Variants in HDX observed in about 807,000 individuals in gnomAD.
The protein encoded by HDX is chromosome X open reading frame 43.
In HDX, 19 loss-of-function variants were observed where a neutral mutation model predicts 45.2. That is an observed-to-expected ratio of 0.42 (90% confidence interval 0.29 to 0.62). HDX has a LOEUF of 0.62. Ranked by LOEUF, HDX falls within the 20% of genes least tolerant of loss-of-function variation. HDX has a pLI of 0.20. For missense variants in HDX, 532 were observed against 493.9 expected (o/e 1.08, Z -0.73); for synonymous variants, 188 against 172.8 (o/e 1.09, Z -0.69).
intron 8 of HDX, among the ~76,000 whole-genome samples, chrX:84,335,764 T>G (rs2036946179): frequency 9.0e-6 from 1 of 111,117 alleles, no homozygotes; most frequent in Admixed American, 9.6e-5. Flanking sequence ...TTAAACTTAG[T>G]GTTAGAAGGG....
intron 1 of HDX, among the ~76,000 whole-genome samples, chrX:84,499,233 G>C (rs2041069971): frequency 9.0e-6 from 1 of 111,310 alleles, no homozygotes; most frequent in African/African-American, 3.3e-5. Context: ...AAGGGGATTG[G>C]CTTATCACTA....
chrX:84,445,746 T>C (rs763508914), intron 4 of HDX, among the ~76,000 whole-genome samples: 201 of 111,659 alleles, frequency 1.8e-3, no homozygotes, highest in Non-Finnish European at 2.8e-3. Context: ...TTTCAGAAAT[T>C]AGAATGCCTT....
rs377753577 is a variant in HDX, at chrX:84,404,226, T to C, written c.1305+36306A>G. 1.3e-4 allele frequency among the ~76,000 whole-genome samples: 14 copies of C among 111,898 alleles called. No individual in the cohort carries two copies. In the East Asian group the frequency reaches 3.4e-3, roughly 27 times the overall value. On this transcript the variant is annotated intron_variant, in intron 5 of 10. Coordinates refer to ENST00000373177, the MANE Select transcript of HDX (RefSeq NM_001177479.2). ...TTGATTGATTTAGATTTTTAGAGTGTAAAAAGCATCTACAATATACAAATA... is the reference window on the plus strand; with the variant it reads ...TTGATTGATTTAGATTTTTAGAGTGCAAAAAGCATCTACAATATACAAATA...
intron 5 of HDX, among the ~76,000 whole-genome samples, chrX:84,426,246 ACAGTATGAAGACTCCT>A (rs2039382244): frequency 9.0e-6 from 1 of 111,102 alleles, no homozygotes; most frequent in South Asian, 3.8e-4. Flanking sequence ...TTTATGAACA[ACAGTATGAAGACTCCT>A]CAGAAAATTA....
At chrX:84,440,666 C>T in intron 4 of HDX, 81 bp from the exon 5 acceptor site, 1 of 585,243 alleles carries the variant, frequency 1.7e-6, no homozygotes, top group Non-Finnish European at 2.8e-6. Context: ...AGATTTCACA[C>T]ACTATTTCAA....
intron 5 of HDX, among the ~76,000 whole-genome samples, chrX:84,410,436 G>C (rs1277085125): frequency 9.0e-6 from 1 of 111,422 alleles, no homozygotes; most frequent in Non-Finnish European, 1.9e-5. Flanking sequence ...ATGTGTGTGT[G>C]TGTGCGCACG....
chrX:84,482,200 T>C (rs1373181436), intron 2 of HDX, among the ~76,000 whole-genome samples: 2 of 111,814 alleles, frequency 1.8e-5, no homozygotes, highest in East Asian at 5.6e-4. Flanking sequence ...ATCTTTTAGA[T>C]AAAACAATTT....
chrX:84,468,924 A>G lies in HDX; in HGVS notation c.799T>C (p.Ser267Pro). ...TQNLEIREVF[S>P]LAVSDYPQRI... ...TGGGGGTAATCGCTAACTGCCAATG[A>G]AAACACTTCACGGATTTCCAAGTTT... Residue 267 changes from serine (S) to proline (P), a missense_variant, in exon 4 of 11, where the codon TCA becomes CCA. By Grantham distance (74) the Ser-to-Pro change is moderately conservative (BLOSUM62 -1). Coordinates refer to ENST00000373177, the MANE Select transcript of HDX (RefSeq NM_001177479.2). 8.3e-7 allele frequency: 1 copy of G among 1,211,675 alleles called. No homozygotes were observed. The highest frequency in any genetic ancestry group is 1.1e-6 in the Non-Finnish European group (1 of 895,428).
At chrX:84,419,284 C>T (rs767060296) in intron 5 of HDX, among the ~76,000 whole-genome samples, 5 of 109,589 alleles carry the variant, frequency 4.6e-5, no homozygotes, top group African/African-American at 1.7e-4. Flanking sequence ...TGGACCTCTT[C>T]TGGGCCAGAG....
chrX:84,446,859 T>A (rs1200524966), intron 4 of HDX, among the ~76,000 whole-genome samples: 2 of 111,937 alleles, frequency 1.8e-5, no homozygotes, highest in African/African-American at 3.3e-5. Context: ...TTGGGGGAAG[T>A]GTGGTGGCCT....
At chrX:84,415,323 A>G (rs1444949279) in intron 5 of HDX, among the ~76,000 whole-genome samples, 1 of 112,210 alleles carries the variant, frequency 8.9e-6, no homozygotes, top group East Asian at 2.8e-4. Context: ...ACAAAAGGGA[A>G]GAAGACACTT....
chrX:84,450,513 C>G (rs1163025317), intron 4 of HDX, among the ~76,000 whole-genome samples: 1 of 111,486 alleles, frequency 9.0e-6, no homozygotes, highest in African/African-American at 3.3e-5. Context: ...AGCATATATG[C>G]CCCCAACACC....
chrX:84,417,218 G>GAAAAAAAAGAAAGAAAGAA (rs61537095), intron 5 of HDX, among the ~76,000 whole-genome samples: 1 of 100,251 alleles, frequency 1.0e-5, no homozygotes, highest in South Asian at 4.9e-4. Flanking sequence ...AAAAAAAAGA[G>GAAAAAAAAGAAAGAAAGAA]AGAAAGAAAG....
chrX:84,440,202 G>A (rs1170445398), intron 5 of HDX: 6 of 151,624 alleles, frequency 4.0e-5, no homozygotes, highest in Non-Finnish European at 6.2e-5. Flanking sequence ...TACTGATTGA[G>A]ATATTTTATA....
chrX:84,346,043 T>C (rs1352001488), intron 6 of HDX, among the ~76,000 whole-genome samples: 1 of 111,573 alleles, frequency 9.0e-6, no homozygotes, highest in Non-Finnish European at 1.9e-5. Context: ...TTGCAAATAT[T>C]TTCTCCCAGT....
At chrX:84,442,015 G>A (rs763128070) in intron 4 of HDX, among the ~76,000 whole-genome samples, 7 of 110,919 alleles carry the variant, frequency 6.3e-5, no homozygotes, top group African/African-American at 2.0e-4. Flanking sequence ...TACTCTAATG[G>A]GATTTTAGGG....
At chrX:84,367,255 C>A (rs2037781190) in intron 5 of HDX, among the ~76,000 whole-genome samples, 2 of 112,335 alleles carry the variant, frequency 1.8e-5, no homozygotes. Context: ...AAAAAAAGCT[C>A]ATCATCACTG....
intron 4 of HDX, among the ~76,000 whole-genome samples, chrX:84,450,008 T>G (rs1307731981): frequency 3.6e-5 from 4 of 110,075 alleles, no homozygotes; most frequent in African/African-American, 1.3e-4. Flanking sequence ...TAATGTTAAA[T>G]GATGAGCTAA....
In HDX at chrX:84,361,619, A is replaced by C. The variant is rs1466985135; in HGVS notation, c.1306-7T>G. On this transcript the variant is annotated splice_region_variant and splice_polypyrimidine_tract_variant and intron_variant, in intron 5 of 10. Coordinates refer to ENST00000373177, the MANE Select transcript of HDX (RefSeq NM_001177479.2). Reference sequence around the variant, plus strand: ...ACTGAGTGCGGTCCTGTAGCTGAAAAACACATTTTTAAATTGTTTTGAATT... The same window carrying C: ...ACTGAGTGCGGTCCTGTAGCTGAAACACACATTTTTAAATTGTTTTGAATT... 1 of 1,150,090 alleles carries C rather than the reference A, an allele frequency of 8.7e-7. No individual in the cohort carries two copies. The highest frequency in any genetic ancestry group is 1.2e-6 in the Non-Finnish European group (1 of 860,643). The allele number at this position is 1,150,090 out of a possible 1,213,427, so 94.8% of individuals were successfully genotyped here.
Sources: allele counts gnomAD v4.1 joint callset (sites outside exome capture counted in the v4.1 genomes callset), GRCh38; gene constraint gnomAD v4.1.1; transcripts MANE v1.5; gene names NCBI Gene and HGNC (gene_info 2026-07-23, HGNC 2026-07-21).